Variants in FRMD4B observed in about 807,000 individuals in gnomAD.
FRMD4B encodes the protein FERM domain-containing protein 4B.
A neutral mutation model predicts 141.5 loss-of-function variants in FRMD4B; 74 were observed. The ratio of observed to expected loss-of-function variants is 0.52; its 90% CI spans 0.43 to 0.63. FRMD4B has a LOEUF of 0.63. Ranked by LOEUF, FRMD4B falls within the 30% of genes least tolerant of loss-of-function variation. FRMD4B has a pLI of 0.00. For missense variants in FRMD4B, 1,366 were observed against 1,253.4 expected, an observed-to-expected ratio of 1.09 and a Z score of -1.36; for synonymous variants, 506 against 467.9, an observed-to-expected ratio of 1.08 and a Z score of -1.05.
intron 1 of FRMD4B, 85 bp downstream of exon 1, chr3:69,385,743 G>T (rs1429985831): frequency 2.4e-5 from 28 of 1,181,790 alleles, no homozygotes; most frequent in South Asian, 2.1e-4. Context: ...GAGCTGGGGG[G>T]AATAAAATCA....
intron 4 of FRMD4B, among the ~76,000 whole-genome samples, chr3:69,289,824 C>A (rs1194061168): frequency 2.0e-5 from 3 of 151,866 alleles, no homozygotes; most frequent in Non-Finnish European, 4.4e-5. Flanking sequence ...ACAAAAAAAA[C>A]CCAAAAAACA....
intron 1 of FRMD4B, among the ~76,000 whole-genome samples, chr3:69,384,985 T>C (rs761361654): frequency 8.5e-5 from 13 of 152,156 alleles, no homozygotes; most frequent in Admixed American, 3.3e-4. Flanking sequence ...ACCAAGTATA[T>C]TTCTAAACAA....
chr3:69,226,622 A>G (rs146938771), intron 7 of FRMD4B, among the ~76,000 whole-genome samples: 1 of 152,298 alleles, frequency 6.6e-6, no homozygotes, highest in Non-Finnish European at 1.5e-5. Context: ...ATGTTTCAAG[A>G]ACCCAGCCTA....
chr3:69,466,208 C>A (rs958905808), intron 1 of FRMD4B, among the ~76,000 whole-genome samples: 1 of 152,134 alleles, frequency 6.6e-6, no homozygotes, highest in Non-Finnish European at 1.5e-5. Context: ...AGTGTCTGTT[C>A]ATATCCTTTG....
At chr3:69,537,147 G>C (rs549316560) in intron 1 of FRMD4B, among the ~76,000 whole-genome samples, 1 of 152,136 alleles carries the variant, frequency 6.6e-6, no homozygotes, top group African/African-American at 2.4e-5. Flanking sequence ...ATAATTTATC[G>C]TCCAAACTGA....
At chr3:69,406,756 A>G (rs1245631052) in intron 2 of FRMD4B, among the ~76,000 whole-genome samples, 2 of 151,770 alleles carry the variant, frequency 1.3e-5, no homozygotes, top group Non-Finnish European at 2.9e-5. Context: ...TTTTAGAGAC[A>G]ATGTCTCTCT....
intron 2 of FRMD4B, among the ~76,000 whole-genome samples, chr3:69,419,576 G>A (rs541933414): frequency 6.6e-6 from 1 of 152,268 alleles, no homozygotes; most frequent in South Asian, 2.1e-4. Context: ...AAAGGGGCAG[G>A]AGAGCAAAGC....
At chr3:69,174,976 T>C (rs1305408935) in intron 22 of FRMD4B, among the ~76,000 whole-genome samples, 1 of 152,220 alleles carries the variant, frequency 6.6e-6, no homozygotes, top group Admixed American at 6.5e-5. Context: ...CTGAAGTATA[T>C]TTTCATTAAA....
chr3:69,510,682 G>A (rs934913097), intron 1 of FRMD4B, among the ~76,000 whole-genome samples: 2 of 152,144 alleles, frequency 1.3e-5, no homozygotes, highest in African/African-American at 4.8e-5. Flanking sequence ...ACCACAGCAG[G>A]CAGGCTCACA....
chr3:69,353,081 T>C (rs560740578), intron 1 of FRMD4B, among the ~76,000 whole-genome samples: 23 of 107,310 alleles, frequency 2.1e-4, no homozygotes, highest in Admixed American at 2.0e-3. Flanking sequence ...GAAACTCCAG[T>C]ATTTAAAATT....
chr3:69,285,873 CAGAAAAA>C (rs1468293355), intron 5 of FRMD4B, among the ~76,000 whole-genome samples: 4 of 151,156 alleles, frequency 2.6e-5, no homozygotes, highest in African/African-American at 4.9e-5. Flanking sequence ...TTGCTCAAAG[CAGAAAAA>C]AGAAAAAAGA....
intron 22 of FRMD4B, among the ~76,000 whole-genome samples, chr3:69,173,588 G>A (rs2092611172): frequency 6.6e-6 from 1 of 152,138 alleles, no homozygotes; most frequent in Admixed American, 6.5e-5. Flanking sequence ...CTTTATGAAT[G>A]ATTGTTATTA....
intron 4 of FRMD4B, among the ~76,000 whole-genome samples, chr3:69,300,004 G>A (rs981911342): frequency 6.6e-6 from 1 of 152,154 alleles, no homozygotes. Context: ...CTATTCTTCA[G>A]TCAAACAGGC....
chr3:69,446,375 C>T (rs1264127471), intron 1 of FRMD4B, among the ~76,000 whole-genome samples: 1 of 151,956 alleles, frequency 6.6e-6, no homozygotes, highest in Non-Finnish European at 1.5e-5. Context: ...ATCTGTCATC[C>T]TGGCTGGAGT....
chr3:69,457,561 G>A (rs1216178382), intron 1 of FRMD4B, among the ~76,000 whole-genome samples: 1 of 152,112 alleles, frequency 6.6e-6, no homozygotes, highest in Non-Finnish European at 1.5e-5. Context: ...CCACTAAAAT[G>A]GTAACATGGC....
chr3:69,488,315 A>G (rs1344557567), intron 1 of FRMD4B, among the ~76,000 whole-genome samples: 1 of 152,200 alleles, frequency 6.6e-6, no homozygotes, highest in African/African-American at 2.4e-5. Flanking sequence ...TTCACCTGAC[A>G]GCTATCAGCT....
chr3:69,245,834 GTT>G lies in FRMD4B; in HGVS notation c.581+3390_581+3391del, dbSNP rs1183774603. On this transcript the variant is annotated intron_variant, in intron 7 of 22. Transcript: ENST00000398540. ...GTCTGCGAACGTGCCAGGCTAATTT[GTT>G]TTTTTTTTTTTTTTTTTTTTGAGAC... 5.6e-3 allele frequency among the ~76,000 whole-genome samples: 435 copies of G among 78,320 alleles called. 10 individuals carry two copies. Among genetic ancestry groups the G allele is most frequent in the Admixed American group, 0.052 (350 of 6,774 alleles). 51.4% of individuals were successfully genotyped at this position (78,320 alleles called of 152,430 possible). A position where few individuals can be genotyped will look rare whatever the true frequency, so the allele number is the denominator to read the frequency against.
At chr3:69,270,909 T>C (rs1021816694) in intron 5 of FRMD4B, among the ~76,000 whole-genome samples, 1 of 152,228 alleles carries the variant, frequency 6.6e-6, no homozygotes, top group African/African-American at 2.4e-5. Flanking sequence ...ATAAATTTGA[T>C]TTATTTTAAA....
intron 7 of FRMD4B, among the ~76,000 whole-genome samples, chr3:69,236,363 G>C (rs1047701104): frequency 1.3e-4 from 20 of 151,858 alleles, no homozygotes; most frequent in African/African-American, 4.8e-4. Flanking sequence ...TGAGTAGCTG[G>C]GACTATAGGC....
Sources: gnomAD v4.1 joint callset for allele counts (sites outside exome capture counted in the v4.1 genomes callset) on GRCh38, gnomAD v4.1.1 for gene constraint, MANE v1.5 for transcripts, NCBI Gene and HGNC (gene_info 2026-07-23, HGNC 2026-07-21) for gene names.